Variants in COL5A1 observed in about 807,000 individuals in gnomAD.
COL5A1 encodes collagen alpha-1(V) chain.
COL5A1 carries 16 observed loss-of-function variants against 263.7 expected under a neutral mutation model. The observed-to-expected ratio is 0.06, with a 90% CI of 0.04 to 0.09. The LOEUF (loss-of-function observed/expected upper bound fraction) is 0.09. Among genes scored for constraint, COL5A1 ranks in the 10% least tolerant of loss-of-function variants. The probability of loss-of-function intolerance (pLI) is 1.00; values close to 1 mark genes in which losing one functional copy is unlikely to be tolerated. For synonymous variants in COL5A1, 1,012 were observed against 1,004.5 expected, an observed-to-expected ratio of 1.01 and a Z score of -0.14; for missense variants, 2,036 against 2,540.5, an observed-to-expected ratio of 0.80 and a Z score of 4.27.
chr9:134,840,617 C>G (rs1475961749), intron 65 of COL5A1, among the ~76,000 whole-genome samples: 1 of 152,200 alleles, frequency 6.6e-6, no homozygotes, highest in Non-Finnish European at 1.5e-5. Context: ...TGTCTTAGGT[C>G]CATTCGCTGC....
intron 27 of COL5A1, among the ~76,000 whole-genome samples, chr9:134,776,241 T>G (rs1441475031): frequency 6.6e-6 from 1 of 152,146 alleles, no homozygotes; most frequent in Non-Finnish European, 1.5e-5. Context: ...AGGGTGATAA[T>G]TTAGTAGAAA....
chr9:134,783,077 A>G (rs1344899669), intron 29 of COL5A1, among the ~76,000 whole-genome samples: 1 of 152,216 alleles, frequency 6.6e-6, no homozygotes, highest in Non-Finnish European at 1.5e-5. Context: ...GTGCCTGGGA[A>G]GAGAAAAGAG....
intron 24 of COL5A1, among the ~76,000 whole-genome samples, 197 bp downstream of exon 24, chr9:134,767,551 A>G (rs1160811805): frequency 5.9e-5 from 9 of 152,250 alleles, no homozygotes; most frequent in African/African-American, 1.9e-4. Flanking sequence ...ATTGATTCAT[A>G]CGTTTATTCA....
At chr9:134,648,306 T>TATATA (rs1831545610) in intron 1 of COL5A1, among the ~76,000 whole-genome samples, 4 of 97,006 alleles carry the variant, frequency 4.1e-5, no homozygotes, top group African/African-American at 2.1e-4. Flanking sequence ...ATATATATAA[T>TATATA]ATATATATAT....
intron 42 of COL5A1, among the ~76,000 whole-genome samples, chr9:134,807,707 T>C (rs1365843072): frequency 6.6e-6 from 1 of 152,210 alleles, no homozygotes; most frequent in African/African-American, 2.4e-5. Flanking sequence ...ATCTGGGCCA[T>C]TGAGAATCTG....
intron 29 of COL5A1, 29 bp from the exon 30 acceptor site, chr9:134,784,960 C>T (rs1257125708): frequency 7.1e-7 from 1 of 1,407,428 alleles, no homozygotes; most frequent in Non-Finnish European, 9.9e-7. Flanking sequence ...GGGGGGTGGT[C>T]TTCTCACCTC....
chr9:134,785,981 C>G lies in COL5A1; in HGVS notation c.2593-14C>G, dbSNP rs771529245. On this transcript the variant is annotated splice_polypyrimidine_tract_variant and intron_variant, in intron 30 of 65. Coordinates refer to ENST00000371817, the MANE Select transcript of COL5A1 (RefSeq NM_000093.5). The stretch of plus-strand genomic sequence containing the variant: ...TACCGTGCTGGCCATTAATGCAACT[C>G]TTTCTTCCCCCAGGGAAAACTCGGA... 7 of 1,611,980 alleles carry G rather than the reference C, an allele frequency of 4.3e-6. No individual in the cohort carries two copies. Among genetic ancestry groups the G allele is most frequent in the East Asian group, 2.2e-5 (1 of 44,838 alleles).
chr9:134,762,090 G>A (rs1423271478), intron 19 of COL5A1, 112 bp downstream of exon 19: 1 of 1,103,450 alleles, frequency 9.1e-7, no homozygotes, highest in Non-Finnish European at 1.4e-6. Context: ...GCCGCATGTG[G>A]AGGGCCAGCT....
intron 11 of COL5A1, among the ~76,000 whole-genome samples, chr9:134,747,842 CAT>C (rs1340175620): frequency 1.3e-5 from 2 of 150,290 alleles, no homozygotes; most frequent in Non-Finnish European, 3.0e-5. Flanking sequence ...CATGCAGACA[CAT>C]GCACACATGC....
intron 63 of COL5A1, among the ~76,000 whole-genome samples, chr9:134,826,692 G>A (rs1177410537): frequency 3.0e-5 from 4 of 132,038 alleles, no homozygotes; most frequent in South Asian, 2.7e-4. Context: ...GGATGGGTGC[G>A]TGTGGCTGGT....
rs542541481 is a variant in COL5A1, at chr9:134,822,717, T to G, written c.4609-281T>G. On this transcript the variant is annotated intron_variant, in intron 59 of 65. Coordinates refer to ENST00000371817, the MANE Select transcript of COL5A1 (RefSeq NM_000093.5). Reference sequence around the variant, plus strand: ...TGAGCCAGGACATGCTCTTTTCCGCTGCGCCCCCCCCGCGGCTGTCTGAGC... The same window carrying G: ...TGAGCCAGGACATGCTCTTTTCCGCGGCGCCCCCCCCGCGGCTGTCTGAGC... Among the ~76,000 whole-genome samples, 613 of 100,714 alleles carry G rather than the reference T, an allele frequency of 6.1e-3. 10 individuals are homozygous for G. The highest frequency in any genetic ancestry group is 0.033 in the South Asian group (127 of 3,892). The allele number at this position is 100,714 out of a possible 152,430, so 66.1% of individuals were successfully genotyped here.
chr9:134,660,964 C>A (rs566182032), intron 1 of COL5A1, among the ~76,000 whole-genome samples: 5 of 152,104 alleles, frequency 3.3e-5, no homozygotes, highest in Non-Finnish European at 7.3e-5. Flanking sequence ...TGAAGTAGCT[C>A]TCTGAAGTGG....
chr9:134,831,204 C>G (rs1457698709), intron 64 of COL5A1, among the ~76,000 whole-genome samples: 1 of 152,238 alleles, frequency 6.6e-6, no homozygotes, highest in Non-Finnish European at 1.5e-5. Context: ...TTTGCCCTGT[C>G]TGCACCTCTG....
At chr9:134,825,109 A>G (rs1391420362) in intron 62 of COL5A1, among the ~76,000 whole-genome samples, 2 of 152,142 alleles carry the variant, frequency 1.3e-5, no homozygotes, top group Non-Finnish European at 2.9e-5. Context: ...GGTCTTAGGC[A>G]TTTTCTGGCG....
In COL5A1 at chr9:134,752,652, C is replaced by G. The variant is rs1384002863; in HGVS notation, c.1719+7C>G. 1.2e-6 allele frequency: 2 copies of G among 1,609,866 alleles called. No individual in the cohort carries two copies. On this transcript the variant is annotated splice_region_variant and intron_variant, in intron 14 of 65. Coordinates refer to ENST00000371817, the MANE Select transcript of COL5A1 (RefSeq NM_000093.5). ...AGGGAGACCTGGCCCTGTGGTAAGT[C>G]ATTGGCAAATCTGAGAGCTGGGCGT... is the stretch of plus-strand genomic sequence containing the variant.
chr9:134,750,678 C>T (rs1276491881), intron 12 of COL5A1, 62 bp downstream of exon 12: 36 of 1,597,700 alleles, frequency 2.3e-5, no homozygotes, highest in Non-Finnish European at 2.9e-5. Context: ...CCAAACCAGA[C>T]CCTCTGAGGC....
In COL5A1 at chr9:134,804,886, G is replaced by A. The variant is rs540299451; in HGVS notation, c.3115-89G>A. 13 of 1,143,062 alleles carry A rather than the reference G, an allele frequency of 1.1e-5. No homozygotes were observed. The South Asian group carries it at 1.3e-4, about 11-fold the overall frequency. The allele number at this position is 1,143,062 out of a possible 1,614,324, so 70.8% of individuals were successfully genotyped here. A position where few individuals can be genotyped will look rare whatever the true frequency, so the allele number is the denominator to read the frequency against. On this transcript the variant is annotated intron_variant, in intron 39 of 65. Coordinates refer to ENST00000371817, the MANE Select transcript of COL5A1 (RefSeq NM_000093.5). ...GGTCTGCGTTGCTGGCTCCAAGAGAGAAGGCCCCAGCCCTTGGCTTCGCTC... is the reference window on the plus strand; with the variant it reads ...GGTCTGCGTTGCTGGCTCCAAGAGAAAAGGCCCCAGCCCTTGGCTTCGCTC...
At chr9:134,803,127 C>T in intron 39 of COL5A1, 132 bp downstream of exon 39, 1 of 786,656 alleles carries the variant, frequency 1.3e-6, no homozygotes, top group Non-Finnish European at 2.2e-6. Context: ...CGGTTCACTC[C>T]CCAGACCGCA....
At chr9:134,704,013 T>C (rs4240702) in intron 4 of COL5A1, among the ~76,000 whole-genome samples, 84,874 of 151,860 alleles carry the variant, frequency 0.56, 24,177 homozygotes, top group Admixed American at 0.68. Flanking sequence ...GTGTGTTCTG[T>C]TGTAAAGATT....
Sources: allele counts gnomAD v4.1 joint callset (sites outside exome capture counted in the v4.1 genomes callset), GRCh38; gene constraint gnomAD v4.1.1; transcripts MANE v1.5; gene names NCBI Gene and HGNC (gene_info 2026-07-23, HGNC 2026-07-21).